PRELID2: variants seen among roughly 807,000 people sequenced by gnomAD.
PRELID2 encodes PRELI domain-containing protein 2.
A neutral mutation model predicts 28.4 loss-of-function variants in PRELID2; 25 were observed. The observed-to-expected ratio is 0.88, with a 90% CI of 0.64 to 1.23. The LOEUF is 1.23. Among genes scored for constraint, PRELID2 ranks in the 50% most tolerant of loss-of-function variants. PRELID2 has a pLI of 0.00. For synonymous variants in PRELID2, 76 were observed against 71.6 expected, an observed-to-expected ratio of 1.06 and a Z score of -0.31; for missense variants, 201 against 214.4, an observed-to-expected ratio of 0.94 and a Z score of 0.39.
At chr5:145,574,175 A>G (rs1246633786) in intron 1 of PRELID2, among the ~76,000 whole-genome samples, 2 of 152,142 alleles carry the variant, frequency 1.3e-5, no homozygotes, top group Non-Finnish European at 2.9e-5. Context: ...ACTCAACCCA[A>G]CTTCGTTAGC....
At chr5:145,823,228 A>G in intron 1 of PRELID2, 94 bp from the exon 2 acceptor site, 2 of 607,572 alleles carry the variant, frequency 3.3e-6, no homozygotes, top group Non-Finnish European at 5.9e-6. Context: ...ACTAGTAAAT[A>G]TTTTCCAAGA....
At chr5:145,518,677 G>T (rs1391273517) in intron 1 of PRELID2, among the ~76,000 whole-genome samples, 1 of 152,182 alleles carries the variant, frequency 6.6e-6, no homozygotes, top group Non-Finnish European at 1.5e-5. Flanking sequence ...TATCTCTGCT[G>T]TGTGGAATTT....
the PRELID2 span, among the ~76,000 whole-genome samples, chr5:145,313,272 T>C: frequency 2.6e-5 from 4 of 152,238 alleles, no homozygotes; most frequent in Non-Finnish European, 5.9e-5. Context: ...ATGTTTGTTA[T>C]TATTTTTTAA....
chr5:145,617,249 T>C (rs1261040106), intron 1 of PRELID2, among the ~76,000 whole-genome samples: 1 of 152,246 alleles, frequency 6.6e-6, no homozygotes, highest in Non-Finnish European at 1.5e-5. Flanking sequence ...CCTCAGCTTA[T>C]GAAGATGACA....
At chr5:145,239,868 A>G in the PRELID2 span, among the ~76,000 whole-genome samples, 4 of 152,062 alleles carry the variant, frequency 2.6e-5, no homozygotes, top group Non-Finnish European at 5.9e-5. Context: ...TTTTTCTGCC[A>G]CTGAATAACT....
At chr5:145,334,576 T>G in the PRELID2 span, among the ~76,000 whole-genome samples, 1 of 152,192 alleles carries the variant, frequency 6.6e-6, no homozygotes, top group Non-Finnish European at 1.5e-5. Context: ...CTTGTATCAG[T>G]GAACCTAATA....
chr5:145,399,296 C>T, the PRELID2 span, among the ~76,000 whole-genome samples: 1 of 151,998 alleles, frequency 6.6e-6, no homozygotes, highest in African/African-American at 2.4e-5. Flanking sequence ...GCATCAAAGC[C>T]ACTCCTGGTT....
chr5:145,242,155 T>C, the PRELID2 span, among the ~76,000 whole-genome samples: 1 of 152,008 alleles, frequency 6.6e-6, no homozygotes, highest in East Asian at 1.9e-4. Flanking sequence ...TGATTTTATA[T>C]GTGTGTGTGA....
the PRELID2 span, among the ~76,000 whole-genome samples, chr5:145,250,925 T>C: frequency 3.3e-5 from 5 of 152,280 alleles, no homozygotes; most frequent in Admixed American, 1.3e-4. Context: ...TAGTGGGTAC[T>C]TACTTTCATT....
chr5:145,240,714 C>A, the PRELID2 span, among the ~76,000 whole-genome samples: 1 of 151,954 alleles, frequency 6.6e-6, no homozygotes, highest in Admixed American at 6.6e-5. Flanking sequence ...ATTTTAAAGG[C>A]TCCTGTTGCT....
At chr5:145,734,560 G>A (rs1341481978) in intron 1 of PRELID2, among the ~76,000 whole-genome samples, 1 of 152,172 alleles carries the variant, frequency 6.6e-6, no homozygotes, top group East Asian at 1.9e-4. Flanking sequence ...TGTACTAGCA[G>A]TGATTATTCA....
the PRELID2 span, among the ~76,000 whole-genome samples, chr5:145,443,325 C>T: frequency 6.6e-6 from 1 of 152,052 alleles, no homozygotes; most frequent in Admixed American, 6.6e-5. Flanking sequence ...TGACAGATTA[C>T]ATTCCCAAAG....
chr5:145,421,700 A>AT, the PRELID2 span, among the ~76,000 whole-genome samples: 7 of 143,916 alleles, frequency 4.9e-5, no homozygotes, highest in Non-Finnish European at 1.1e-4. Flanking sequence ...GGATTCATTA[A>AT]TTTTTTGAAG....
Position 145,661,664 on chromosome 5 carries a change from A to AT in PRELID2, n.70+103266dup, listed in dbSNP as rs1456387595. 7.3e-3 allele frequency among the ~76,000 whole-genome samples: 922 copies of AT among 126,266 alleles called. 18 individuals are homozygous for AT. Among genetic ancestry groups the AT allele is most frequent in the African/African-American group, 0.03 (743 of 25,156 alleles). 82.8% of individuals were successfully genotyped at this position (126,266 alleles called of 152,430 possible). On this transcript the variant is annotated intron_variant and non_coding_transcript_variant, in intron 1 of 2. Coordinates refer to the PRELID2 transcript ENST00000510259. ...CCAGGACGTTAAAAACAAACAAGCC[A>AT]TTAAAAAAAAAAAAAAAAAAAAAAA...
chr5:145,773,636 C>G (rs187516930), intron 5 of PRELID2, among the ~76,000 whole-genome samples: 3 of 152,318 alleles, frequency 2.0e-5, no homozygotes, highest in Admixed American at 6.5e-5. Flanking sequence ...GAGTAAGGAA[C>G]TGTTTTAGTG....
the PRELID2 span, among the ~76,000 whole-genome samples, chr5:145,446,921 C>T: frequency 1.3e-5 from 2 of 151,858 alleles, no homozygotes; most frequent in African/African-American, 4.8e-5. Flanking sequence ...TGGTGCATGC[C>T]TGTAGTAATC....
At chr5:145,796,736 T>A (rs1400845591) in intron 4 of PRELID2, among the ~76,000 whole-genome samples, 189 bp from the exon 5 acceptor site, 2 of 152,166 alleles carry the variant, frequency 1.3e-5, no homozygotes, top group African/African-American at 4.8e-5. Flanking sequence ...TTAACAGTCT[T>A]ATTCAAATTA....
chr5:145,460,593 T>C, the PRELID2 span, among the ~76,000 whole-genome samples: 6 of 152,334 alleles, frequency 3.9e-5, no homozygotes, highest in Non-Finnish European at 7.3e-5. Context: ...CATTTATTCA[T>C]TCACTTCACA....
intron 1 of PRELID2, among the ~76,000 whole-genome samples, chr5:145,572,582 C>G (rs1452830008): frequency 6.6e-6 from 1 of 152,106 alleles, no homozygotes; most frequent in Non-Finnish European, 1.5e-5. Context: ...TTGATACAAA[C>G]ATCAAATAAT....
Sources: gnomAD v4.1 joint callset for allele counts (sites outside exome capture counted in the v4.1 genomes callset) on GRCh38, gnomAD v4.1.1 for gene constraint, MANE v1.5 for transcripts, NCBI Gene and HGNC (gene_info 2026-07-23, HGNC 2026-07-21) for gene names.